Variants in THADA observed in about 807,000 individuals in gnomAD.
THADA encodes THADA armadillo repeat containing, also known as tRNA (32-2'-O)-methyltransferase regulator THADA.
In THADA, 213 loss-of-function variants were observed where a neutral mutation model predicts 219.8. The ratio of observed to expected loss-of-function variants is 0.97; its 90% CI spans 0.87 to 1.09. The LOEUF (loss-of-function observed/expected upper bound fraction) is 1.09. THADA is among the 50% of genes least tolerant of loss of function. The pLI is 0.00. For missense variants in THADA, 2,956 were observed against 2,311.3 expected (o/e 1.28, Z -5.72); for synonymous variants, 1,018 against 828.9 (o/e 1.23, Z -3.92).
intron 26 of THADA, among the ~76,000 whole-genome samples, chr2:43,453,960 T>C (rs1400793828): frequency 6.6e-6 from 1 of 152,142 alleles, no homozygotes; most frequent in African/African-American, 2.4e-5. Flanking sequence ...AGTAAAGCAG[T>C]CATGGCTCAC....
At chr2:43,413,597 A>T (rs944917143) in intron 28 of THADA, among the ~76,000 whole-genome samples, 22 of 152,214 alleles carry the variant, frequency 1.4e-4, no homozygotes, top group Non-Finnish European at 3.1e-4. Flanking sequence ...CTACTATTTC[A>T]GCCATCAAGT....
intron 26 of THADA, among the ~76,000 whole-genome samples, chr2:43,469,477 CG>C (rs1684654076): frequency 6.6e-6 from 1 of 151,876 alleles, no homozygotes; most frequent in Non-Finnish European, 1.5e-5. Context: ...GAAAAAAACA[CG>C]GAAATTTCCC....
Position 43,324,005 on chromosome 2 carries a change from G to C in THADA, c.4344-3465C>G, listed in dbSNP as rs141873659. Among the ~76,000 whole-genome samples, 11 of 152,338 alleles carry C rather than the reference G, an allele frequency of 7.2e-5. No individual in the cohort carries two copies. In the East Asian group the frequency reaches 2.1e-3, roughly 29 times the overall value. ...AGTGATGGGATACTTCATGCTAACT[G>C]GGTGTTCCTTAGTGTAATAATTGAC... On this transcript the variant is annotated intron_variant, in intron 30 of 37. Coordinates refer to ENST00000405975, the MANE Select transcript of THADA (RefSeq NM_022065.5).
intron 26 of THADA, among the ~76,000 whole-genome samples, chr2:43,449,604 C>CA (rs1682054784): frequency 6.6e-6 from 1 of 152,016 alleles, no homozygotes; most frequent in Non-Finnish European, 1.5e-5. Flanking sequence ...CCCATCTCTA[C>CA]AAAGAATTTT....
In THADA at chr2:43,234,833, C is replaced by T. The variant is rs143687718; in HGVS notation, c.5297-1951G>A. Among the ~76,000 whole-genome samples, 345 of 151,954 alleles carry T rather than the reference C, an allele frequency of 2.3e-3. 2 individuals are homozygous for T. Among genetic ancestry groups the T allele is most frequent in the African/African-American group, 8.1e-3 (334 of 41,432 alleles). Reference sequence around the variant, plus strand: ...ACACCCAGATAATTTTGTTTTTGCCCAGCTAATTTTTGTATTTTTTGTAGA... The same window carrying T: ...ACACCCAGATAATTTTGTTTTTGCCTAGCTAATTTTTGTATTTTTTGTAGA... On this transcript the variant is annotated intron_variant, in intron 36 of 37. Transcript: ENST00000405975.
chr2:43,288,627 C>T (rs1318489308), intron 34 of THADA, among the ~76,000 whole-genome samples: 1 of 152,226 alleles, frequency 6.6e-6, no homozygotes, highest in Non-Finnish European at 1.5e-5. Flanking sequence ...TGCCACTCTC[C>T]TGGCACATGA....
intron 4 of THADA, among the ~76,000 whole-genome samples, chr2:43,589,610 C>G (rs1232677413): frequency 6.6e-6 from 1 of 152,124 alleles, no homozygotes; most frequent in Admixed American, 6.5e-5. Flanking sequence ...TATGTTCTCA[C>G]TCATAAGTGG....
chr2:43,408,306 T>A (rs1675839488), intron 28 of THADA: 1 of 152,222 alleles, frequency 6.6e-6, no homozygotes, highest in African/African-American at 2.4e-5. Flanking sequence ...GTATTGATTT[T>A]GTGCTTGCCT....
At chr2:43,280,106 G>A (rs1673171355) in intron 35 of THADA, among the ~76,000 whole-genome samples, 1 of 152,108 alleles carries the variant, frequency 6.6e-6, no homozygotes, top group Admixed American at 6.5e-5. Flanking sequence ...CCTTTTTTGG[G>A]GGTGAGGATG....
intron 31 of THADA, among the ~76,000 whole-genome samples, chr2:43,307,073 C>T (rs867371668): frequency 1.8e-4 from 28 of 152,202 alleles, no homozygotes; most frequent in Admixed American, 5.2e-4. Flanking sequence ...CAGGAACTGT[C>T]CTTCCACCAT....
At chr2:43,344,324 G>A in intron 29 of THADA, 87 bp from the exon 30 acceptor site, 2 of 929,256 alleles carry the variant, frequency 2.2e-6, no homozygotes, top group Non-Finnish European at 3.2e-6. Flanking sequence ...TCCTTAAAAT[G>A]TTCCCCTCAA....
intron 29 of THADA, among the ~76,000 whole-genome samples, chr2:43,383,974 C>T (rs1672334021): frequency 6.6e-6 from 1 of 152,016 alleles, no homozygotes; most frequent in Non-Finnish European, 1.5e-5. Context: ...AGGCTTCTAC[C>T]ATCACTCCTG....
chr2:43,507,981 C>T (rs550454094), intron 23 of THADA, among the ~76,000 whole-genome samples: 74 of 152,168 alleles, frequency 4.9e-4, no homozygotes, highest in Non-Finnish European at 7.8e-4. Flanking sequence ...AAAACGGACT[C>T]GCACACACAT....
intron 31 of THADA, among the ~76,000 whole-genome samples, chr2:43,301,569 G>T (rs1676269408): frequency 2.0e-5 from 3 of 152,248 alleles, no homozygotes; most frequent in Admixed American, 6.5e-5. Flanking sequence ...GGAACAGAAG[G>T]TTGGAGGCAG....
intron 22 of THADA, among the ~76,000 whole-genome samples, chr2:43,519,105 G>A (rs1268718664): frequency 2.0e-5 from 3 of 151,832 alleles, no homozygotes; most frequent in Non-Finnish European, 4.4e-5. Flanking sequence ...TTCAGTGAGC[G>A]GATCTTTGTC....
intron 36 of THADA, among the ~76,000 whole-genome samples, chr2:43,256,110 C>G (rs544196853): frequency 5.6e-4 from 85 of 152,298 alleles, no homozygotes; most frequent in African/African-American, 1.8e-3. Context: ...GAAAGAACAC[C>G]TGGATGTTCA....
chr2:43,534,552 T>C (rs531081221), intron 21 of THADA, among the ~76,000 whole-genome samples: 1 of 152,288 alleles, frequency 6.6e-6, no homozygotes, highest in South Asian at 2.1e-4. Context: ...TCCACATGTG[T>C]GAGAACATGC....
At chr2:43,270,612 G>A (rs1558495514) in intron 36 of THADA, among the ~76,000 whole-genome samples, 1 of 152,220 alleles carries the variant, frequency 6.6e-6, no homozygotes, top group Non-Finnish European at 1.5e-5. Flanking sequence ...AGGGGCCGGA[G>A]CTCCAACTCT....
rs1414615063 is a variant in THADA at position 43,527,894 on chromosome 2, G to GT, written c.3358dup (p.Thr1120AsnfsTer2). The GT allele has an allele frequency of 6.2e-7, 1 of 1,611,470 alleles. No homozygotes were observed. The highest frequency in any genetic ancestry group is 1.7e-5 in the Admixed American group (1 of 59,900). On this transcript the variant is annotated frameshift_variant, in exon 22 of 38. Coordinates refer to ENST00000405975, the MANE Select transcript of THADA (RefSeq NM_022065.5). LOFTEE classifies it high-confidence loss of function. Reference sequence around the variant, plus strand: ...TTTGTTTTACCTGTTTAGTACTTCAGTGAGTTTCACAAAACCAGTATAAGC... The same window carrying GT: ...TTTGTTTTACCTGTTTAGTACTTCAGTTGAGTTTCACAAAACCAGTATAAGC...
Sources: gnomAD v4.1 joint callset for allele counts (sites outside exome capture counted in the v4.1 genomes callset) on GRCh38, gnomAD v4.1.1 for gene constraint, MANE v1.5 for transcripts, NCBI Gene and HGNC (gene_info 2026-07-23, HGNC 2026-07-21) for gene names.